Variants in NAA11 observed in about 807,000 individuals in gnomAD.
NAA11 encodes N-alpha-acetyltransferase 11.
A neutral mutation model predicts 16.1 loss-of-function variants in NAA11; 15 were observed. The observed-to-expected ratio is 0.93, with a 90% CI of 0.62 to 1.44. The LOEUF is 1.44. NAA11 is among the 40% of genes most tolerant of loss of function. The pLI, the probability that NAA11 is intolerant of heterozygous loss-of-function variation, is 0.00. For synonymous variants in NAA11, 122 were observed against 112.4 expected (o/e 1.09, Z -0.54); for missense variants, 298 against 291.3 (o/e 1.02, Z -0.17).
intron 2 of NAA11, among the ~76,000 whole-genome samples, chr4:79,281,587 TA>T (rs908060903): frequency 6.6e-6 from 1 of 151,926 alleles, no homozygotes; most frequent in Non-Finnish European, 1.5e-5. Context: ...GATTAATAAA[TA>T]AAAAATATCA....
chr4:79,172,995 A>G, the NAA11 span, among the ~76,000 whole-genome samples: 1 of 152,160 alleles, frequency 6.6e-6, no homozygotes. Flanking sequence ...ATTCTTTTCC[A>G]TAAGACCACA....
chr4:79,271,475 C>G lies in NAA11; in HGVS notation c.*122+22530G>C, dbSNP rs149295668. On this transcript the variant is annotated intron_variant and NMD_transcript_variant, in intron 2 of 2. Coordinates refer to the NAA11 transcript ENST00000511542. ...TTGTATTTTTTTTGGTAAAGGAGAACATAAAAATTTGTTTCCTTGTGAACA... is the reference window on the plus strand; with the variant it reads ...TTGTATTTTTTTTGGTAAAGGAGAAGATAAAAATTTGTTTCCTTGTGAACA... Among the ~76,000 whole-genome samples, 462 of 152,000 alleles carry G rather than the reference C, an allele frequency of 3.0e-3. 3 individuals are homozygous for G. Among genetic ancestry groups the G allele is most frequent in the African/African-American group, 0.011 (439 of 41,478 alleles).
intron 2 of NAA11, among the ~76,000 whole-genome samples, chr4:79,274,171 A>G (rs1722565358): frequency 6.6e-6 from 1 of 152,104 alleles, no homozygotes; most frequent in Admixed American, 6.6e-5. Context: ...ATGGAAAGCA[A>G]TTAGAAACAT....
At chr4:79,311,379 T>C (rs1339280388) in intron 1 of NAA11, among the ~76,000 whole-genome samples, 2 of 152,158 alleles carry the variant, frequency 1.3e-5, no homozygotes, top group African/African-American at 4.8e-5. Flanking sequence ...TCATAAAGTC[T>C]TTTTTTCACC....
At chr4:79,189,504 G>C in the NAA11 span, among the ~76,000 whole-genome samples, 4 of 152,252 alleles carry the variant, frequency 2.6e-5, no homozygotes, top group East Asian at 7.7e-4. Flanking sequence ...ATTCGGAGTG[G>C]GAATAGTAGA....
At chr4:79,179,618 CAG>C in the NAA11 span, among the ~76,000 whole-genome samples, 8 of 152,080 alleles carry the variant, frequency 5.3e-5, no homozygotes, top group Admixed American at 5.2e-4. Flanking sequence ...AGGAGAAGGA[CAG>C]AGCATATGGA....
At chr4:79,275,394 T>G (rs1026872535) in intron 2 of NAA11, among the ~76,000 whole-genome samples, 1 of 152,072 alleles carries the variant, frequency 6.6e-6, no homozygotes, top group African/African-American at 2.4e-5. Flanking sequence ...GAAAGAATTC[T>G]GGTCATAAGA....
chr4:79,217,166 T>G, the NAA11 span, among the ~76,000 whole-genome samples: 3 of 152,200 alleles, frequency 2.0e-5, 1 homozygote, highest in East Asian at 1.9e-4. Context: ...TGTGCTTCTA[T>G]TAGTGAGGCA....
the NAA11 span, among the ~76,000 whole-genome samples, chr4:79,163,346 C>G: frequency 7.5e-3 from 1,146 of 152,244 alleles, 6 homozygotes; most frequent in Non-Finnish European, 0.012. Flanking sequence ...TAGAAGAGAT[C>G]ATGTGAAAGG....
At chr4:79,202,623 T>TTA in the NAA11 span, among the ~76,000 whole-genome samples, 1,037 of 52,612 alleles carry the variant, frequency 0.02, 118 homozygotes, top group African/African-American at 0.04. Context: ...ATATATAGTT[T>TTA]TATATATATA....
At chr4:79,273,056 AC>A (rs1395612362) in intron 2 of NAA11, among the ~76,000 whole-genome samples, 1 of 151,894 alleles carries the variant, frequency 6.6e-6, no homozygotes, top group Non-Finnish European at 1.5e-5. Flanking sequence ...AAAAATAGAA[AC>A]TGCCAGTCCT....
chr4:79,268,822 G>T (rs1722410710), intron 2 of NAA11, among the ~76,000 whole-genome samples: 1 of 149,572 alleles, frequency 6.7e-6, no homozygotes, highest in Non-Finnish European at 1.5e-5. Context: ...TCTAGCATTA[G>T]GTATATCTCC....
At chr4:79,308,755 T>G (rs1723666336) in intron 1 of NAA11, 1 of 152,226 alleles carries the variant, frequency 6.6e-6, no homozygotes, top group South Asian at 2.1e-4. Flanking sequence ...GTATTTACTT[T>G]TATTGAGATA....
chr4:79,289,256 T>C (rs1272998525), intron 2 of NAA11, among the ~76,000 whole-genome samples: 1 of 152,240 alleles, frequency 6.6e-6, no homozygotes, highest in Non-Finnish European at 1.5e-5. Flanking sequence ...TTCTTTCTAA[T>C]CTGCCTTCTA....
rs747944736 is a variant in NAA11 at position 79,325,203 on chromosome 4, C to T, written c.675G>A (p.Ser225=). Residue 225 remains serine, a synonymous_variant, in exon 1 of 2, where the codon TCG becomes TCA. Coordinates refer to ENST00000286794, the MANE Select transcript of NAA11 (RefSeq NM_032693.3). The part of the protein sequence containing the change: ...STNVQDSSES[S]DSTS ...TAAGCATGCTCTAGGAGGTGGAATCCGAGCTTTCTGAGCTGTCCTGGACGT... is the reference window on the plus strand; with the variant it reads ...TAAGCATGCTCTAGGAGGTGGAATCTGAGCTTTCTGAGCTGTCCTGGACGT... The T allele has an allele frequency of 6.2e-7, 1 of 1,609,342 alleles. No homozygotes were observed. Among genetic ancestry groups the T allele is most frequent in the Non-Finnish European group, 8.5e-7 (1 of 1,177,574 alleles).
chr4:79,190,716 C>T, the NAA11 span, among the ~76,000 whole-genome samples: 1 of 152,074 alleles, frequency 6.6e-6, no homozygotes. Flanking sequence ...AGATTTGTTA[C>T]ATTGGTAAAC....
chr4:79,244,221 C>T (rs912042852), intron 2 of NAA11, among the ~76,000 whole-genome samples: 3 of 152,194 alleles, frequency 2.0e-5, no homozygotes, highest in African/African-American at 7.2e-5. Context: ...ATTGCCAAAC[C>T]ATCACCTGAC....
At chr4:79,299,656 T>G (rs907128773) in intron 1 of NAA11, 6 of 152,050 alleles carry the variant, frequency 3.9e-5, no homozygotes, top group African/African-American at 1.5e-4. Flanking sequence ...AACCCCAAAA[T>G]AAAAACTGTT....
downstream of NAA11, among the ~76,000 whole-genome samples, chr4:79,223,770 G>A (rs1393538759): frequency 6.8e-6 from 1 of 148,090 alleles, no homozygotes; most frequent in Admixed American, 6.7e-5. Context: ...TTTTTTGCAT[G>A]GTTATGTTAC....
Sources: allele counts gnomAD v4.1 joint callset (sites outside exome capture counted in the v4.1 genomes callset), GRCh38; gene constraint gnomAD v4.1.1; transcripts MANE v1.5; gene names NCBI Gene and HGNC (gene_info 2026-07-23, HGNC 2026-07-21).